The following ARHGEF28 variants were observed in gnomAD, a reference collection of about 807,000 sequenced individuals.
ARHGEF28 encodes 190 kDa guanine nucleotide exchange factor.
ARHGEF28 carries 152 observed loss-of-function variants against 206.6 expected under a neutral mutation model. The observed-to-expected ratio is 0.74, with a 90% confidence interval of 0.64 to 0.84. The LOEUF is 0.84. Among genes scored for constraint, ARHGEF28 ranks in the 40% least tolerant of loss-of-function variants. The probability of loss-of-function intolerance (pLI) is 0.00; values close to 1 mark genes in which losing one functional copy is unlikely to be tolerated. For synonymous variants in ARHGEF28, 763 were observed against 776.4 expected (o/e 0.98, Z 0.29); for missense variants, 2,028 against 2,073.2 (o/e 0.98, Z 0.42).
At chr5:73,681,177 T>G (rs1747076393) in intron 1 of ARHGEF28, among the ~76,000 whole-genome samples, 1 of 151,910 alleles carries the variant, frequency 6.6e-6, no homozygotes, top group Non-Finnish European at 1.5e-5. Flanking sequence ...AATTTTATCA[T>G]CAAGTTAAGC....
chr5:73,667,784 G>A (rs1746056168), intron 1 of ARHGEF28, among the ~76,000 whole-genome samples: 1 of 152,156 alleles, frequency 6.6e-6, no homozygotes, highest in South Asian at 2.1e-4. Context: ...TATGCTGCTT[G>A]AATATTATGC....
At chr5:73,703,091 G>A (rs532616015) in intron 2 of ARHGEF28, among the ~76,000 whole-genome samples, 2 of 152,324 alleles carry the variant, frequency 1.3e-5, no homozygotes, top group African/African-American at 4.8e-5. Flanking sequence ...TCAGAGTGTG[G>A]AAGTTTAGAG....
intron 10 of ARHGEF28, among the ~76,000 whole-genome samples, chr5:73,839,738 G>A (rs1307862284): frequency 1.3e-5 from 2 of 152,130 alleles, no homozygotes; most frequent in South Asian, 2.1e-4. Flanking sequence ...TGGATTTGCT[G>A]TTGATTTTAT....
intron 2 of ARHGEF28, among the ~76,000 whole-genome samples, chr5:73,692,134 T>A (rs1442580899): frequency 1.3e-5 from 2 of 152,224 alleles, no homozygotes; most frequent in Non-Finnish European, 2.9e-5. Flanking sequence ...AAATTTTGTA[T>A]GTTGATTAAG....
rs758276394 is a variant in ARHGEF28 at position 73,909,414 on chromosome 5, C to T, written c.4164C>T (p.Ala1388=). The T allele has an allele frequency of 1.2e-5, 19 of 1,593,444 alleles. No individual in the cohort carries two copies. The highest frequency in any genetic ancestry group is 1.5e-5 in the Non-Finnish European group (18 of 1,165,678). The change falls in exon 34 of 36, where the codon GCC becomes GCT. Residue 1388 remains alanine, a splice_region_variant and synonymous_variant. Coordinates refer to ENST00000513042, the MANE Select transcript of ARHGEF28 (RefSeq NM_001177693.2). ...NLTRLLYSLQ[A]ALTIQDSHIE... ...TTTTCCTCTGTCTGCTCTGACAGGC[C>T]GCCTTGACCATTCAGGACAGCCACA...
intron 35 of ARHGEF28, among the ~76,000 whole-genome samples, chr5:73,921,746 A>C (rs1436810300): frequency 6.6e-6 from 1 of 152,216 alleles, no homozygotes; most frequent in East Asian, 1.9e-4. Context: ...TGGATCATCC[A>C]CTAGAAATTC....
chr5:73,751,090 C>T (rs747869952), intron 3 of ARHGEF28, among the ~76,000 whole-genome samples: 5 of 152,254 alleles, frequency 3.3e-5, no homozygotes, highest in Admixed American at 2.0e-4. Flanking sequence ...TAATCTGCAT[C>T]GTTAAAAGAA....
intron 2 of ARHGEF28, among the ~76,000 whole-genome samples, chr5:73,686,851 A>G (rs1341699447): frequency 6.6e-6 from 1 of 152,214 alleles, no homozygotes; most frequent in Admixed American, 6.5e-5. Flanking sequence ...TATTAAAAAA[A>G]TGCTGATAAG....
intron 1 of ARHGEF28, 125 bp from the exon 2 acceptor site, chr5:73,684,716 C>A: frequency 1.6e-6 from 1 of 617,634 alleles, no homozygotes; most frequent in Non-Finnish European, 2.7e-6. Flanking sequence ...CATATTTTGT[C>A]TCTGCAGTTT....
At chr5:73,869,751 A>G (rs1170796948) in intron 20 of ARHGEF28, among the ~76,000 whole-genome samples, 1 of 152,112 alleles carries the variant, frequency 6.6e-6, no homozygotes, top group African/African-American at 2.4e-5. Context: ...TACCAAAAAT[A>G]TAAAAACTAA....
intron 2 of ARHGEF28, among the ~76,000 whole-genome samples, chr5:73,737,492 C>CTTTTCTTTTCTTTTCTTTTCTTTT (rs1561367965): frequency 9.2e-6 from 1 of 108,674 alleles, no homozygotes; most frequent in Non-Finnish European, 1.8e-5. Flanking sequence ...CTTTTCTTTT[C>CTTTTCTTTTCTTTTCTTTTCTTTT]TTTTCTTTTC....
At chr5:73,738,659 T>C (rs1480707775) in intron 2 of ARHGEF28, among the ~76,000 whole-genome samples, 1 of 152,210 alleles carries the variant, frequency 6.6e-6, no homozygotes, top group Non-Finnish European at 1.5e-5. Flanking sequence ...AGGGACTGCC[T>C]GTGGAACACA....
At chr5:73,895,291 A>T (rs1255215030) in intron 29 of ARHGEF28, among the ~76,000 whole-genome samples, 2 of 152,156 alleles carry the variant, frequency 1.3e-5, no homozygotes, top group Non-Finnish European at 2.9e-5. Flanking sequence ...GAGATGAGAA[A>T]GTCCAGAGGA....
intron 7 of ARHGEF28, among the ~76,000 whole-genome samples, chr5:73,785,296 G>A (rs544045235): frequency 3.2e-4 from 49 of 152,208 alleles, no homozygotes; most frequent in South Asian, 6.2e-4. Context: ...CTAAATTAAT[G>A]GATCACACGA....
rs762240349 is a variant in ARHGEF28 at position 73,752,895 on chromosome 5, G to C, written c.182-14G>C. 1.9e-6 allele frequency: 3 copies of C among 1,613,370 alleles called. No homozygotes were observed. The highest frequency in any genetic ancestry group is 2.5e-6 in the Non-Finnish European group (3 of 1,179,682). On this transcript the variant is annotated splice_polypyrimidine_tract_variant and intron_variant, in intron 3 of 35. Coordinates refer to ENST00000513042, the MANE Select transcript of ARHGEF28 (RefSeq NM_001177693.2). The stretch of plus-strand genomic sequence containing the variant: ...ACAGACTTGGGGTGAACTGTTCACT[G>C]TCTTGTTGTCCAGGCCATGGGCTTC...
intron 1 of ARHGEF28, among the ~76,000 whole-genome samples, chr5:73,668,835 T>G (rs959638251): frequency 1.3e-5 from 2 of 152,216 alleles, no homozygotes; most frequent in Admixed American, 1.3e-4. Flanking sequence ...ACCTCCACTT[T>G]TTTGTCTGTT....
intron 9 of ARHGEF28, among the ~76,000 whole-genome samples, chr5:73,820,590 G>T (rs1040716095): frequency 6.6e-6 from 1 of 152,052 alleles, no homozygotes; most frequent in Non-Finnish European, 1.5e-5. Flanking sequence ...TCTCCTTCTG[G>T]CTTCACCCTG....
Position 73,749,926 on chromosome 5 carries a change from G to A in ARHGEF28, c.123G>A (p.Gln41=). The change falls in exon 3 of 36, where the codon CAG becomes CAA. Residue 41 remains glutamine, a synonymous_variant. Coordinates refer to ENST00000513042, the MANE Select transcript of ARHGEF28 (RefSeq NM_001177693.2). The stretch of plus-strand genomic sequence containing the variant: ...ACTTTACTTATGACGGATCTCATCA[G>A]CGACATGTCATGATTGCAGAGCGCA... ...EFYFTYDGSH[Q]RHVMIAERIE... 1 of 1,614,008 alleles carries A rather than the reference G, an allele frequency of 6.2e-7. No homozygotes were observed. Among genetic ancestry groups the A allele is most frequent in the Non-Finnish European group, 8.5e-7 (1 of 1,179,898 alleles).
chr5:73,766,701 A>G (rs375679293), intron 4 of ARHGEF28, among the ~76,000 whole-genome samples: 2 of 152,364 alleles, frequency 1.3e-5, no homozygotes, highest in African/African-American at 2.4e-5. Context: ...TAATAAAATA[A>G]GTTAAATAAT....
Sources: allele counts gnomAD v4.1 joint callset (sites outside exome capture counted in the v4.1 genomes callset), GRCh38; gene constraint gnomAD v4.1.1; transcripts MANE v1.5; gene names NCBI Gene and HGNC (gene_info 2026-07-23, HGNC 2026-07-21).